The following BTBD9 variants were observed in gnomAD, a reference collection of about 807,000 sequenced individuals.
BTBD9 encodes BTB/POZ domain-containing protein 9.
Under a neutral mutation model 64.3 loss-of-function variants are expected in BTBD9, and 49 were observed. The observed-to-expected ratio is 0.76, with a 90% CI of 0.61 to 0.97. The LOEUF is 0.97. Ranked by LOEUF, BTBD9 falls within the 50% of genes least tolerant of loss-of-function variation. The pLI, the probability that BTBD9 is intolerant of heterozygous loss-of-function variation, is 0.00. For synonymous variants in BTBD9, 260 were observed against 274.7 expected (o/e 0.95, Z 0.53); for missense variants, 598 against 762.1 (o/e 0.78, Z 2.53).
chr6:38,313,747 C>CTT (rs765375990), intron 7 of BTBD9, among the ~76,000 whole-genome samples: 100 of 128,884 alleles, frequency 7.8e-4, no homozygotes, highest in Middle Eastern at 3.8e-3. Context: ...GATGAATTAT[C>CTT]TTTTTTTTTT....
intron 1 of BTBD9, among the ~76,000 whole-genome samples, chr6:38,621,940 C>T (rs1186769010): frequency 6.6e-6 from 1 of 152,204 alleles, no homozygotes; most frequent in African/African-American, 2.4e-5. Flanking sequence ...TATTCCCTGA[C>T]CAAAACAGAA....
rs376168767 is a variant in BTBD9, at chr6:38,256,542, T to G, written c.1455-26A>C. On this transcript the variant is annotated intron_variant, in intron 8 of 10. Coordinates refer to ENST00000481247, the MANE Select transcript of BTBD9 (RefSeq NM_001099272.2). ...CTGAACAAAGGGAAAAACATAAGAT[T>G]GCTGTAAATGTTTTAACTGGTTGTT... The G allele has an allele frequency of 1.4e-5, 21 of 1,509,884 alleles. No individual in the cohort carries two copies. In the African/African-American group the frequency reaches 2.7e-4, roughly 20 times the overall value. The allele number at this position is 1,509,884 out of a possible 1,614,324, so 93.5% of individuals were successfully genotyped here. A position where few individuals can be genotyped will look rare whatever the true frequency, so the allele number is the denominator to read the frequency against.
intron 6 of BTBD9, among the ~76,000 whole-genome samples, chr6:38,396,970 C>T (rs1392674193): frequency 7.0e-6 from 1 of 143,490 alleles, no homozygotes; most frequent in Non-Finnish European, 1.5e-5. Context: ...GGCGCAATCT[C>T]GGCTCACTGC....
At chr6:38,344,661 C>T (rs1764213982) in intron 7 of BTBD9, among the ~76,000 whole-genome samples, 1 of 152,194 alleles carries the variant, frequency 6.6e-6, no homozygotes, top group Non-Finnish European at 1.5e-5. Context: ...TCTCTTCAAA[C>T]TCGCCTATCA....
At chr6:38,351,045 T>C (rs771101717) in intron 6 of BTBD9, among the ~76,000 whole-genome samples, 2 of 152,240 alleles carry the variant, frequency 1.3e-5, no homozygotes, top group Non-Finnish European at 2.9e-5. Flanking sequence ...GTCTTGTTGC[T>C]AAGGCAGCAA....
chr6:38,507,744 A>G (rs1391034621), intron 6 of BTBD9, among the ~76,000 whole-genome samples: 1 of 151,972 alleles, frequency 6.6e-6, no homozygotes, highest in East Asian at 1.9e-4. Flanking sequence ...ATTCCATCCT[A>G]GACCTTCTCT....
intron 6 of BTBD9, among the ~76,000 whole-genome samples, chr6:38,483,572 T>A (rs1467451692): frequency 6.6e-6 from 1 of 152,080 alleles, no homozygotes; most frequent in Admixed American, 6.6e-5. Context: ...TTCGACACTA[T>A]CAAGTCCCTG....
intron 6 of BTBD9, among the ~76,000 whole-genome samples, chr6:38,463,930 G>A (rs1308556968): frequency 2.0e-5 from 3 of 152,180 alleles, no homozygotes; most frequent in Non-Finnish European, 2.9e-5. Flanking sequence ...TACTTGGGAG[G>A]CTGAGGCAGA....
intron 10 of BTBD9, among the ~76,000 whole-genome samples, chr6:38,191,025 G>A (rs1203461605): frequency 6.6e-6 from 1 of 152,160 alleles, no homozygotes; most frequent in East Asian, 1.9e-4. Flanking sequence ...CAGTTAATTC[G>A]ATTTCAATAT....
At chr6:38,540,275 T>C (rs562823003) in intron 6 of BTBD9, among the ~76,000 whole-genome samples, 14 of 152,234 alleles carry the variant, frequency 9.2e-5, no homozygotes, top group African/African-American at 2.9e-4. Context: ...TAAGAAATCA[T>C]TGGCATGTAA....
intron 6 of BTBD9, among the ~76,000 whole-genome samples, chr6:38,353,921 T>C (rs1764619697): frequency 1.3e-5 from 2 of 152,210 alleles, no homozygotes; most frequent in Admixed American, 6.5e-5. Flanking sequence ...TTCTCCTCTT[T>C]TTAACCTAAG....
chr6:38,362,431 G>T (rs1383141426), intron 6 of BTBD9, among the ~76,000 whole-genome samples: 3 of 152,160 alleles, frequency 2.0e-5, no homozygotes, highest in African/African-American at 7.2e-5. Context: ...CTAAATGAAT[G>T]AATCAATGTG....
At chr6:38,253,634 C>A (rs1277669301) in intron 9 of BTBD9, among the ~76,000 whole-genome samples, 1 of 152,126 alleles carries the variant, frequency 6.6e-6, no homozygotes, top group African/African-American at 2.4e-5. Context: ...AAGACATGTA[C>A]AAGATGACAA....
chr6:38,490,859 A>C (rs1399353464), intron 6 of BTBD9, among the ~76,000 whole-genome samples: 3 of 152,258 alleles, frequency 2.0e-5, no homozygotes, highest in Non-Finnish European at 4.4e-5. Flanking sequence ...CAAAGGCAGC[A>C]GAGAACCAAA....
At chr6:38,597,368 C>T (rs996212229) in intron 2 of BTBD9, among the ~76,000 whole-genome samples, 1 of 152,182 alleles carries the variant, frequency 6.6e-6, no homozygotes, top group Non-Finnish European at 1.5e-5. Context: ...AGTGATGACT[C>T]CCTTTTGACA....
chr6:38,564,612 A>G (rs1242852264), intron 6 of BTBD9, among the ~76,000 whole-genome samples: 2 of 151,886 alleles, frequency 1.3e-5, no homozygotes, highest in African/African-American at 2.4e-5. Flanking sequence ...TATATGGCCG[A>G]GCACGGTGAC....
At chr6:38,351,250 C>A (rs577163653) in intron 6 of BTBD9, among the ~76,000 whole-genome samples, 46 of 152,296 alleles carry the variant, frequency 3.0e-4, no homozygotes, top group African/African-American at 1.1e-3. Flanking sequence ...AGGTTAAACA[C>A]TACACACAGG....
intron 6 of BTBD9, among the ~76,000 whole-genome samples, chr6:38,372,652 C>T (rs1765473055): frequency 6.6e-6 from 1 of 152,182 alleles, no homozygotes; most frequent in Non-Finnish European, 1.5e-5. Flanking sequence ...GAGACCGTGG[C>T]CTACCCATCT....
intron 6 of BTBD9, among the ~76,000 whole-genome samples, chr6:38,391,439 T>C (rs1256477873): frequency 6.6e-6 from 1 of 152,176 alleles, no homozygotes; most frequent in Non-Finnish European, 1.5e-5. Flanking sequence ...AAGGCAATAA[T>C]GAAGGTCATA....
Sources: allele counts gnomAD v4.1 joint callset (sites outside exome capture counted in the v4.1 genomes callset), GRCh38; gene constraint gnomAD v4.1.1; transcripts MANE v1.5; gene names NCBI Gene and HGNC (gene_info 2026-07-23, HGNC 2026-07-21).